The following ZNF385A variants were observed in gnomAD, a reference collection of about 807,000 sequenced individuals.
ZNF385A encodes the protein zinc finger protein 385A, also known as hematopoietic zinc finger protein.
ZNF385A carries 14 observed loss-of-function variants against 32.1 expected under a neutral mutation model. The observed-to-expected ratio is 0.44, with a 90% CI of 0.29 to 0.68. The LOEUF is 0.68. Among genes scored for constraint, ZNF385A ranks in the 30% least tolerant of loss-of-function variants. ZNF385A has a pLI of 0.14. For missense variants in ZNF385A, 406 were observed against 478.4 expected (o/e 0.85, Z 1.41); for synonymous variants, 197 against 202.7 (o/e 0.97, Z 0.24).
intron 3 of ZNF385A, chr12:54,373,085 G>A (rs1407888777): frequency 1.8e-5 from 3 of 169,300 alleles, no homozygotes; most frequent in Admixed American, 6.4e-5. Flanking sequence ...CCACCTGCCC[G>A]CCTGCCCACT....
upstream of ZNF385A, chr12:54,385,851 AG>A (rs1955456148): frequency 6.2e-6 from 1 of 160,846 alleles, no homozygotes; most frequent in Non-Finnish European, 1.3e-5. Flanking sequence ...AGTGGGGCAG[AG>A]GGGAGGGCAG....
chr12:54,384,531 A>G lies in ZNF385A; in HGVS notation c.-17T>C. The G allele has an allele frequency of 2.0e-6, 3 of 1,512,326 alleles. No individual in the cohort carries two copies. Among genetic ancestry groups the G allele is most frequent in the Non-Finnish European group, 2.6e-6 (3 of 1,132,950 alleles). 93.7% of individuals were successfully genotyped at this position (1,512,326 alleles called of 1,614,324 possible). Reference sequence around the variant, plus strand: ...GGGCTGCATGATCGGGGGCTGCCGTAGCAGAGGCAGGGGCCCTGCCCGGCT... The same window carrying G: ...GGGCTGCATGATCGGGGGCTGCCGTGGCAGAGGCAGGGGCCCTGCCCGGCT... On this transcript the variant is annotated 5_prime_UTR_variant, in exon 1 of 7. Coordinates refer to ENST00000394313, the MANE Select transcript of ZNF385A (RefSeq NM_015481.3).
rs556214112 is a variant in ZNF385A at position 54,389,846 on chromosome 12, G to A, written c.10+1389C>T. Among the ~76,000 whole-genome samples the A allele has an allele frequency of 7.9e-5, 12 of 152,250 alleles. No individual in the cohort carries two copies. The South Asian group carries it at 2.5e-3, about 32-fold the overall frequency. On this transcript the variant is annotated intron_variant, in intron 1 of 7. Coordinates refer to the ZNF385A transcript ENST00000338010. Reference sequence around the variant, plus strand: ...CTTCCCCTGCTGGAGAGGCTCTTGAGAAGGAGGCAGGCAACCAGCCATTCA... The same window carrying A: ...CTTCCCCTGCTGGAGAGGCTCTTGAAAAGGAGGCAGGCAACCAGCCATTCA...
chr12:54,371,215 G>T (rs946983887), intron 4 of ZNF385A, 119 bp from the exon 5 acceptor site: 2 of 1,203,066 alleles, frequency 1.7e-6, no homozygotes, highest in Non-Finnish European at 2.2e-6. Flanking sequence ...CACAGTGTGG[G>T]TTCTTTCTAA....
intron 4 of ZNF385A, 32 bp downstream of exon 4, chr12:54,371,441 G>C (rs778535257): frequency 2.1e-5 from 34 of 1,592,656 alleles, no homozygotes; most frequent in Non-Finnish European, 2.8e-5. Flanking sequence ...CTGAGGACAG[G>C]AGAGTCTGGG....
chr12:54,383,573 T>A (rs1955308989), intron 1 of ZNF385A, among the ~76,000 whole-genome samples: 1 of 152,172 alleles, frequency 6.6e-6, no homozygotes, highest in Non-Finnish European at 1.5e-5. Flanking sequence ...CAAACACTGC[T>A]CTTACCAAGT....
At chr12:54,371,130 G>T in intron 4 of ZNF385A, 34 bp from the exon 5 acceptor site, 1 of 1,549,666 alleles carries the variant, frequency 6.5e-7, no homozygotes, top group Non-Finnish European at 8.7e-7. Flanking sequence ...GTAAGGGGTG[G>T]AAGAAAAATT....
chr12:54,386,422 G>A (rs1334632585), upstream of ZNF385A, among the ~76,000 whole-genome samples: 1 of 152,150 alleles, frequency 6.6e-6, no homozygotes, highest in Non-Finnish European at 1.5e-5. Flanking sequence ...GAGAGACAGA[G>A]AACAGAGACA....
At chr12:54,389,988 A>T (rs1008105669) in intron 1 of ZNF385A, among the ~76,000 whole-genome samples, 1 of 152,088 alleles carries the variant, frequency 6.6e-6, no homozygotes, top group Non-Finnish European at 1.5e-5. Flanking sequence ...GAGATGGAGG[A>T]AGGGCAGAAG....
At chr12:54,391,167 G>C (rs902356517) in intron 1 of ZNF385A, 8 of 1,454,222 alleles carry the variant, frequency 5.5e-6, no homozygotes, top group East Asian at 5.8e-5. Context: ...GATGGTGGAG[G>C]GGGGCGGTGG....
intron 3 of ZNF385A, among the ~76,000 whole-genome samples, chr12:54,372,364 C>T (rs909179786): frequency 3.9e-5 from 6 of 152,150 alleles, no homozygotes; most frequent in Non-Finnish European, 7.4e-5. Flanking sequence ...CGGGTCATGG[C>T]GAGGCTGGCA....
At chr12:54,374,187 G>C (rs750277898) in intron 2 of ZNF385A, 52 bp from the exon 3 acceptor site, 1 of 1,374,082 alleles carries the variant, frequency 7.3e-7, no homozygotes, top group Non-Finnish European at 9.5e-7. Flanking sequence ...TCATCTGACC[G>C]ATCTCCCCAC....
chr12:54,383,681 G>A (rs1041832148), intron 1 of ZNF385A, among the ~76,000 whole-genome samples: 1 of 152,146 alleles, frequency 6.6e-6, no homozygotes, highest in Non-Finnish European at 1.5e-5. Flanking sequence ...GATCACCTGA[G>A]GTCAGGAGTT....
chr12:54,390,912 T>TC (rs376439059), intron 1 of ZNF385A, among the ~76,000 whole-genome samples: 1,817 of 151,526 alleles, frequency 0.012, 35 homozygotes, highest in African/African-American at 0.041. Flanking sequence ...ACCAGCCCCC[T>TC]CCCCCAGCCT....
At position 54,370,304 on chromosome 12, in the gene ZNF385A, G is replaced by A. The variant is rs546598785; in HGVS notation, c.1053C>T (p.Pro351=). ...GTCCGTGCGCAGTTCGGATGGGTCC[G>A]GGGGCCGGGTGAAGCAGAGGGTGAG... The part of the protein sequence containing the change: ...PITHPLLHPA[P]GPIRTAHGPI... Residue 351 remains proline (P), a synonymous_variant, in exon 7 of 7, where the codon CCC becomes CCT. Transcript: ENST00000394313. This position sits in a 1 kb window ranked among gnomAD's most constrained non-coding sequence, Gnocchi z 5.5. The A allele has an allele frequency of 5.4e-6, 8 of 1,488,442 alleles. No homozygotes were observed. The highest frequency in any genetic ancestry group is 7.2e-6 in the Non-Finnish European group (8 of 1,118,544). The allele number at this position is 1,488,442 out of a possible 1,614,324, so 92.2% of individuals were successfully genotyped here. A position where few individuals can be genotyped will look rare whatever the true frequency, so the allele number is the denominator to read the frequency against.
At position 54,374,050 on chromosome 12, in the gene ZNF385A, G is replaced by T. The variant is rs1954706140; in HGVS notation, c.284C>A (p.Pro95His). ...TGGGTCTCCAGGTTCTCGGACGCCA[G>T]GCTCCCTGCCTCTGGTCTTGGCAGC... ...IEAAKTRGRE[P>H]GVREPGDPAP... The change falls in exon 3 of 7, where the codon CCT becomes CAT. Residue 95 changes from proline (P) to histidine (H), a missense_variant. Physicochemically the swap from Pro to His is moderately conservative, Grantham distance 77 (BLOSUM62 -2). Coordinates refer to ENST00000394313, the MANE Select transcript of ZNF385A (RefSeq NM_015481.3). 1.2e-6 allele frequency: 2 copies of T among 1,601,916 alleles called. No individual in the cohort carries two copies. Among genetic ancestry groups the T allele is most frequent in the South Asian group, 1.1e-5 (1 of 89,814 alleles).
chr12:54,390,220 C>T (rs1419636278), intron 1 of ZNF385A, among the ~76,000 whole-genome samples: 1 of 152,004 alleles, frequency 6.6e-6, no homozygotes, highest in East Asian at 1.9e-4. Context: ...CCAGCCTAGC[C>T]AGGGTGGAGG....
At chr12:54,377,557 C>T (rs1258834000) in intron 1 of ZNF385A, among the ~76,000 whole-genome samples, 1 of 152,124 alleles carries the variant, frequency 6.6e-6, no homozygotes, top group East Asian at 1.9e-4. Flanking sequence ...GCTTTGATGG[C>T]ACCATGAATG....
chr12:54,386,195 CACACACACACACACAG>C (rs1955472793), upstream of ZNF385A, among the ~76,000 whole-genome samples: 1 of 149,022 alleles, frequency 6.7e-6, no homozygotes, highest in South Asian at 2.2e-4. Context: ...CACACACACA[CACACACACACACACAG>C]AGAGACGGAC....
Sources: allele counts gnomAD v4.1 joint callset (sites outside exome capture counted in the v4.1 genomes callset), GRCh38; gene constraint gnomAD v4.1.1; non-coding constraint Gnocchi (gnomAD v3.1); transcripts MANE v1.5; gene names NCBI Gene and HGNC (gene_info 2026-07-23, HGNC 2026-07-21).